The following IL1RAPL2 variants were observed in gnomAD, a reference collection of about 807,000 sequenced individuals.
The protein encoded by IL1RAPL2 is X-linked interleukin-1 receptor accessory protein-like 2.
Under a neutral mutation model 44.1 loss-of-function variants are expected in IL1RAPL2, and 3 were observed. That is an observed-to-expected ratio of 0.07 (90% confidence interval 0.03 to 0.18). The LOEUF is 0.18. Among genes scored for constraint, IL1RAPL2 ranks in the 10% least tolerant of loss-of-function variants. The pLI is 1.00. For synonymous variants in IL1RAPL2, 181 were observed against 178.8 expected (o/e 1.01, Z -0.10); for missense variants, 391 against 496.4 (o/e 0.79, Z 2.02).
chrX:105,545,886 G>A (rs1447207320), intron 6 of IL1RAPL2, among the ~76,000 whole-genome samples: 1 of 111,727 alleles, frequency 9.0e-6, no homozygotes, highest in Non-Finnish European at 1.9e-5. Flanking sequence ...CAGCCTCAGG[G>A]TTTGCCAGAA....
intron 1 of IL1RAPL2, among the ~76,000 whole-genome samples, chrX:104,585,335 A>C (rs898262195): frequency 4.1e-4 from 7 of 17,279 alleles, no homozygotes; most frequent in Non-Finnish European, 1.6e-4. Flanking sequence ...TATAATATAT[A>C]TTATATATTA....
At chrX:104,892,011 T>C (rs994180805) in intron 2 of IL1RAPL2, among the ~76,000 whole-genome samples, 2 of 111,941 alleles carry the variant, frequency 1.8e-5, no homozygotes, top group Non-Finnish European at 1.9e-5. Flanking sequence ...TGAAGGGCTG[T>C]TGAATTTTGT....
At chrX:104,814,241 A>G (rs1004025184) in intron 2 of IL1RAPL2, among the ~76,000 whole-genome samples, 17 of 111,531 alleles carry the variant, frequency 1.5e-4, no homozygotes, top group African/African-American at 3.3e-5. Flanking sequence ...TGGCTTTCTT[A>G]CCTGGATACC....
intron 2 of IL1RAPL2, among the ~76,000 whole-genome samples, chrX:105,046,982 C>T (rs923087823): frequency 9.1e-6 from 1 of 109,899 alleles, no homozygotes; most frequent in Non-Finnish European, 1.9e-5. Context: ...GCTCCCTTCA[C>T]TCCTGAATAT....
intron 5 of IL1RAPL2, among the ~76,000 whole-genome samples, chrX:105,393,664 A>G (rs1387746575): frequency 8.9e-6 from 1 of 111,865 alleles, no homozygotes. Context: ...TAGAAGCAAG[A>G]TTGAGTAAAC....
intron 2 of IL1RAPL2, among the ~76,000 whole-genome samples, chrX:104,712,109 A>G (rs1039202040): frequency 1.2e-4 from 13 of 111,348 alleles, no homozygotes; most frequent in Admixed American, 4.8e-4. Context: ...TTATAAGACC[A>G]GATAGTGTGG....
intron 2 of IL1RAPL2, among the ~76,000 whole-genome samples, chrX:105,112,389 C>A (rs1329736302): frequency 8.9e-6 from 1 of 112,052 alleles, no homozygotes; most frequent in Non-Finnish European, 1.9e-5. Context: ...CACAAATATG[C>A]AAATATGTAC....
intron 6 of IL1RAPL2, among the ~76,000 whole-genome samples, chrX:105,559,251 A>T (rs2036916423): frequency 8.9e-6 from 1 of 112,029 alleles, no homozygotes; most frequent in African/African-American, 3.2e-5. Context: ...ACTTTTGACC[A>T]AAAGGGAGAT....
At chrX:104,714,163 A>G (rs1257173362) in intron 2 of IL1RAPL2, among the ~76,000 whole-genome samples, 1 of 110,460 alleles carries the variant, frequency 9.1e-6, no homozygotes, top group African/African-American at 3.3e-5. Context: ...GTTGAATACG[A>G]GTGGTGAGAG....
At chrX:105,044,882 A>G (rs2031816809) in intron 2 of IL1RAPL2, among the ~76,000 whole-genome samples, 1 of 111,187 alleles carries the variant, frequency 9.0e-6, no homozygotes, top group South Asian at 3.8e-4. Flanking sequence ...AATAAGGGAA[A>G]GTCTACATAG....
In IL1RAPL2 at chrX:104,666,417, G is replaced by T. The variant is rs768877956; in HGVS notation, c.82+7422G>T. 2.7e-5 allele frequency among the ~76,000 whole-genome samples: 3 copies of T among 111,963 alleles called. No individual in the cohort carries two copies. The East Asian group carries it at 8.5e-4, about 32-fold the overall frequency. On this transcript the variant is annotated intron_variant, in intron 2 of 10. Coordinates refer to ENST00000372582, the MANE Select transcript of IL1RAPL2 (RefSeq NM_017416.2). ...ATGGGGGATTTCATCCAGCTCTGTA[G>T]CATCTTCCAAATACAGAAGTCACCG...
At chrX:104,592,145 A>ATGTGTGTGTG (rs35940205) in intron 1 of IL1RAPL2, among the ~76,000 whole-genome samples, 2,448 of 60,191 alleles carry the variant, frequency 0.041, 142 homozygotes, top group Non-Finnish European at 0.058. Flanking sequence ...ATGCCCGTAT[A>ATGTGTGTGTG]TGTGTGTGTG....
chrX:105,260,734 C>T (rs1338467099), intron 4 of IL1RAPL2, among the ~76,000 whole-genome samples: 1 of 112,393 alleles, frequency 8.9e-6, no homozygotes, highest in Admixed American at 9.3e-5. Context: ...TGGGAGATCC[C>T]TTCCACCACT....
chrX:105,266,124 C>G (rs5962498), intron 4 of IL1RAPL2, among the ~76,000 whole-genome samples: 2,260 of 109,556 alleles, frequency 0.021, 35 homozygotes, highest in South Asian at 0.051. Flanking sequence ...TCACTGCAAA[C>G]TCTGCCTCCT....
At chrX:105,022,803 T>C (rs998044433) in intron 2 of IL1RAPL2, among the ~76,000 whole-genome samples, 1 of 110,479 alleles carries the variant, frequency 9.1e-6, no homozygotes, top group Admixed American at 9.7e-5. Flanking sequence ...ATGGAGGAAA[T>C]GGTTAGTGGG....
intron 2 of IL1RAPL2, among the ~76,000 whole-genome samples, chrX:104,727,356 A>G (rs1344346359): frequency 9.0e-6 from 1 of 111,510 alleles, no homozygotes; most frequent in Non-Finnish European, 1.9e-5. Context: ...ACTAATAATC[A>G]GAAAATGCCA....
chrX:104,669,772 A>C (rs966423878), intron 2 of IL1RAPL2, among the ~76,000 whole-genome samples: 1 of 111,634 alleles, frequency 9.0e-6, no homozygotes, highest in Non-Finnish European at 1.9e-5. Context: ...TACATGCATT[A>C]TTTTCCTTCT....
At chrX:105,575,961 T>C (rs1254664405) in intron 6 of IL1RAPL2, among the ~76,000 whole-genome samples, 2 of 111,914 alleles carry the variant, frequency 1.8e-5, no homozygotes, top group African/African-American at 3.3e-5. Flanking sequence ...GTTGGCCACA[T>C]GTATGTCTTC....
chrX:105,182,387 A>T (rs1238185666), intron 2 of IL1RAPL2, among the ~76,000 whole-genome samples: 1 of 111,406 alleles, frequency 9.0e-6, no homozygotes, highest in African/African-American at 3.3e-5. Context: ...TTTTATAATG[A>T]CCTTCTTTAT....
Sources: gnomAD v4.1 joint callset for allele counts (sites outside exome capture counted in the v4.1 genomes callset) on GRCh38, gnomAD v4.1.1 for gene constraint, MANE v1.5 for transcripts, NCBI Gene and HGNC (gene_info 2026-07-23, HGNC 2026-07-21) for gene names.